DGKA: variants seen among roughly 807,000 people sequenced by gnomAD.
DGKA encodes the protein diacylglycerol kinase alpha.
Under a neutral mutation model 105.0 loss-of-function variants are expected in DGKA, and 35 were observed. The ratio of observed to expected loss-of-function variants is 0.33; its 90% CI spans 0.25 to 0.44. DGKA has a LOEUF of 0.44. Ranked by LOEUF, DGKA falls within the 20% of genes least tolerant of loss-of-function variation. DGKA has a pLI of 1.00. For missense variants in DGKA, 665 were observed against 915.0 expected (o/e 0.73, Z 3.53); for synonymous variants, 296 against 332.0 (o/e 0.89, Z 1.18).
chr12:55,953,253 C>T lies in DGKA; in HGVS notation c.2063+93C>T, dbSNP rs151295296. 4.2e-5 allele frequency: 68 copies of T among 1,609,554 alleles called. No homozygotes were observed. The East Asian group carries it at 1.3e-3, about 31-fold the overall frequency. ...ATGGTGGGGAGGGGCTTTACTAGAT[C>T]TCCCTCAATGACAAAAGGTCTCAAA... On this transcript the variant is annotated intron_variant, in intron 22 of 23. Coordinates refer to ENST00000331886, the MANE Select transcript of DGKA (RefSeq NM_001345.5).
At chr12:55,935,959 G>C in intron 1 of DGKA, 1 of 988,732 alleles carries the variant, frequency 1.0e-6, no homozygotes, top group Non-Finnish European at 1.2e-6. Flanking sequence ...CGCTAACGCA[G>C]TAAGAGTCAC....
chr12:55,933,067 C>T lies in DGKA; in HGVS notation c.-82+1723C>T, dbSNP rs1027072187. 2.0e-5 allele frequency among the ~76,000 whole-genome samples: 3 copies of T among 152,288 alleles called. No homozygotes were observed. In the South Asian group the frequency reaches 6.2e-4, roughly 32 times the overall value. ...GAAAAAAGGAAACTTTAAATACTAA[C>T]ACAGGCTTTGGAAACAATATTTATC... On this transcript the variant is annotated intron_variant, in intron 1 of 23. Transcript: ENST00000331886.
At chr12:55,938,834 A>G in intron 6 of DGKA, 81 bp from the exon 7 acceptor site, 1 of 1,590,616 alleles carries the variant, frequency 6.3e-7, no homozygotes. Context: ...GGTGGAACCC[A>G]GGAACACTGA....
In DGKA at chr12:55,953,582, C is replaced by T. The variant is rs2136427448; in HGVS notation, c.2125-103C>T. On this transcript the variant is annotated intron_variant, in intron 23 of 23. Transcript: ENST00000331886. ...TTCCCTATCGTGGCCTCTCTAGGAA[C>T]CTAGCAACCCACCCCAAACCCCACA... The T allele has an allele frequency of 2.2e-6, 3 of 1,391,906 alleles. No homozygotes were observed. In the South Asian group the frequency reaches 3.6e-5, roughly 17 times the overall value. The allele number at this position is 1,391,906 out of a possible 1,614,324, so 86.2% of individuals were successfully genotyped here.
upstream of DGKA, chr12:55,929,041 C>T (rs1883254134): frequency 6.6e-6 from 1 of 152,136 alleles, no homozygotes; most frequent in Admixed American, 6.6e-5. Flanking sequence ...CCTGTAATCC[C>T]AGCTACTCGG....
rs1883942021 is a variant in DGKA, at chr12:55,932,935, C to T, written c.-82+1591C>T. 1 of 225,416 alleles carries T rather than the reference C, an allele frequency of 4.4e-6. No individual in the cohort carries two copies. The highest frequency in any genetic ancestry group is 8.8e-6 in the Non-Finnish European group (1 of 114,144). The allele number at this position is 225,416 out of a possible 1,614,324, so 14.0% of individuals were successfully genotyped here. A position where few individuals can be genotyped will look rare whatever the true frequency, so the allele number is the denominator to read the frequency against. ...GTAATCAGGCCTGGGCCCTCAAATT[C>T]GGGGCTCCTGCCCCTCTGGGGCAGC... On this transcript the variant is annotated intron_variant, in intron 1 of 23. Coordinates refer to ENST00000331886, the MANE Select transcript of DGKA (RefSeq NM_001345.5). The surrounding 1 kb of genome is among the most constrained non-coding windows in gnomAD (Gnocchi z 4.3).
In DGKA at chr12:55,952,660, G is replaced by C. The variant is rs996414664; in HGVS notation, c.1744-74G>C. 3.2e-6 allele frequency: 5 copies of C among 1,540,552 alleles called. No individual in the cohort carries two copies. Among genetic ancestry groups the C allele is most frequent in the Non-Finnish European group, 4.5e-6 (5 of 1,118,414 alleles). On this transcript the variant is annotated intron_variant, in intron 20 of 23. Transcript: ENST00000331886. The surrounding 1 kb of genome is among the most constrained non-coding windows in gnomAD (Gnocchi z 5.1). ...CAGTTTGTCATCTGGTGGAGGGAGC[G>C]ATCACATCTATGATCATGCCATGAG...
rs1360511127 is a variant in DGKA at position 55,940,465 on chromosome 12, T to C, written c.918+32T>C. 3 of 1,611,260 alleles carry C rather than the reference T, an allele frequency of 1.9e-6. No homozygotes were observed. The highest frequency in any genetic ancestry group is 2.5e-6 in the Non-Finnish European group (3 of 1,178,514). On this transcript the variant is annotated intron_variant, in intron 11 of 23. Coordinates refer to ENST00000331886, the MANE Select transcript of DGKA (RefSeq NM_001345.5). The surrounding 1 kb of genome is among the most constrained non-coding windows in gnomAD (Gnocchi z 4.3). ...TTGGGAGCCATCCCTTCTGGGTGCG[T>C]CTTACCCCGCAGAGCTGCCTTCTCC...
At position 55,953,825 on chromosome 12, in the gene DGKA, C is replaced by G. The variant is rs1888658412; in HGVS notation, c.*57C>G. 2.7e-6 allele frequency: 4 copies of G among 1,495,566 alleles called. No homozygotes were observed. Among genetic ancestry groups the G allele is most frequent in the Non-Finnish European group, 3.7e-6 (4 of 1,074,110 alleles). The allele number at this position is 1,495,566 out of a possible 1,614,324, so 92.6% of individuals were successfully genotyped here. On this transcript the variant is annotated 3_prime_UTR_variant, in exon 24 of 24. Transcript: ENST00000331886. ...GAACCCACCTCCCTGTCCCTGGACT[C>G]TACTCCCGAGGCTCTGTACATTGCT... is the stretch of plus-strand genomic sequence containing the variant.
At chr12:55,944,709 G>C (rs1886670626) in intron 17 of DGKA, among the ~76,000 whole-genome samples, 1 of 152,236 alleles carries the variant, frequency 6.6e-6, no homozygotes, top group Non-Finnish European at 1.5e-5. Context: ...TGTGGAGAAG[G>C]AGGTAGAGAA....
At position 55,937,099 on chromosome 12, in the gene DGKA, C is replaced by T. The variant is rs1884903836; in HGVS notation, c.138+9C>T. ...AATATGTCCAAGGAGATGTGAGTGG[C>T]AGCTGGGAAATCTTCTTCTTGATCA... On this transcript the variant is annotated intron_variant, in intron 3 of 23. Transcript: ENST00000331886. 1 of 1,613,706 alleles carries T rather than the reference C, an allele frequency of 6.2e-7. No individual in the cohort carries two copies. The highest frequency in any genetic ancestry group is 1.3e-5 in the African/African-American group (1 of 74,894).
chr12:55,933,208 A>ACTT (rs1277760643), intron 1 of DGKA, among the ~76,000 whole-genome samples: 5 of 152,208 alleles, frequency 3.3e-5, no homozygotes, highest in Non-Finnish European at 7.3e-5. Flanking sequence ...TGCCCTTAAG[A>ACTT]GAGTAATTCT....
In DGKA at chr12:55,953,915, C is replaced by T; in HGVS notation, c.*147C>T. On this transcript the variant is annotated 3_prime_UTR_variant, in exon 24 of 24. Coordinates refer to ENST00000331886, the MANE Select transcript of DGKA (RefSeq NM_001345.5). ...CCTCACAGTATTTATTATCCTGCAC[C>T]ACCTCACTGTTCCCCATGCGCACAC... The T allele has an allele frequency of 2.8e-6, 2 of 707,660 alleles. No individual in the cohort carries two copies. The highest frequency in any genetic ancestry group is 4.8e-6 in the Non-Finnish European group (2 of 417,736). 43.8% of individuals were successfully genotyped at this position (707,660 alleles called of 1,614,324 possible).
intron 17 of DGKA, among the ~76,000 whole-genome samples, chr12:55,951,246 T>G (rs915415293): frequency 2.0e-5 from 3 of 152,242 alleles, no homozygotes; most frequent in Non-Finnish European, 4.4e-5. Flanking sequence ...TGTATAACAC[T>G]GTTTACACAT....
intron 17 of DGKA, chr12:55,942,701 T>C (rs1886273486): frequency 4.4e-6 from 1 of 227,080 alleles, no homozygotes; most frequent in Admixed American, 5.1e-5. Flanking sequence ...AGTATTGCAA[T>C]AGTCTCCTAA....
At chr12:55,930,359 T>TG (rs1163515127), upstream of DGKA, 1 of 121,746 alleles carries the variant, frequency 8.2e-6, no homozygotes, top group Non-Finnish European at 1.7e-5. Context: ...AGGGCCTTGT[T>TG]TTTTTTTTTT....
Position 55,940,599 on chromosome 12 carries a change from T to G in DGKA, c.919-25T>G. 1 of 1,561,516 alleles carries G rather than the reference T, an allele frequency of 6.4e-7. No individual in the cohort carries two copies. The highest frequency in any genetic ancestry group is 8.7e-7 in the Non-Finnish European group (1 of 1,155,842). ...AGGAGACAGGGTTACCTTCGTGATC[T>G]CTCTGTGCCCACCTCGTCTTTCAGA... On this transcript the variant is annotated intron_variant, in intron 11 of 23. Coordinates refer to ENST00000331886, the MANE Select transcript of DGKA (RefSeq NM_001345.5). This position sits in a 1 kb window ranked among gnomAD's most constrained non-coding sequence, Gnocchi z 4.3.
intron 17 of DGKA, among the ~76,000 whole-genome samples, chr12:55,949,557 C>T (rs1217155911): frequency 1.3e-5 from 2 of 152,136 alleles, no homozygotes; most frequent in Non-Finnish European, 2.9e-5. Context: ...AAATGCTTTC[C>T]AAAAATGACT....
At chr12:55,941,039 A>G (rs2136332205) in intron 13 of DGKA, 59 bp downstream of exon 13, 1 of 1,550,212 alleles carries the variant, frequency 6.5e-7, no homozygotes, top group Middle Eastern at 1.7e-4. Flanking sequence ...TGGAGCCCTC[A>G]TGGGTGGGAA....
Sources: allele counts gnomAD v4.1 joint callset (sites outside exome capture counted in the v4.1 genomes callset), GRCh38; gene constraint gnomAD v4.1.1; non-coding constraint Gnocchi (gnomAD v3.1); transcripts MANE v1.5; gene names NCBI Gene and HGNC (gene_info 2026-07-23, HGNC 2026-07-21).